PLXNA4: variants seen among roughly 807,000 people sequenced by gnomAD.
PLXNA4 encodes the protein plexin A4.
PLXNA4 carries 44 observed loss-of-function variants against 191.8 expected under a neutral mutation model. That is an observed-to-expected ratio of 0.23 (90% CI 0.18 to 0.29). PLXNA4 has a LOEUF of 0.29. Among genes scored for constraint, PLXNA4 ranks in the 10% least tolerant of loss-of-function variants. The pLI is 1.00. For synonymous variants in PLXNA4, 1,082 were observed against 1,009.5 expected (o/e 1.07, Z -1.36); for missense variants, 1,800 against 2,488.8 (o/e 0.72, Z 5.89).
rs528975513 is a variant in PLXNA4, at chr7:132,442,325, G to A, written c.1371+46967C>T. 3.3e-4 allele frequency among the ~76,000 whole-genome samples: 51 copies of A among 152,240 alleles called. No individual in the cohort carries two copies. The South Asian group carries it at 9.1e-3, about 27-fold the overall frequency. The stretch of plus-strand genomic sequence containing the variant: ...AGCCTGTGGGTTGCATATAAGTTGC[G>A]TATGAAGTTACTGCTTGATGCCAGC... On this transcript the variant is annotated intron_variant, in intron 3 of 31. Transcript: ENST00000321063.
chr7:132,544,267 C>T (rs1205624008), intron 1 of PLXNA4, among the ~76,000 whole-genome samples: 3 of 152,132 alleles, frequency 2.0e-5, no homozygotes, highest in Non-Finnish European at 4.4e-5. Context: ...CAAAACCCTC[C>T]CAGAGGAGAG....
chr7:132,190,760 G>C (rs772562610), intron 14 of PLXNA4, among the ~76,000 whole-genome samples: 15 of 152,172 alleles, frequency 9.9e-5, no homozygotes, highest in Non-Finnish European at 1.3e-4. Context: ...CCTGTCCACT[G>C]TGTGCTCCAG....
chr7:132,188,477 G>A (rs908443978), intron 14 of PLXNA4, among the ~76,000 whole-genome samples: 1 of 152,088 alleles, frequency 6.6e-6, no homozygotes, highest in Non-Finnish European at 1.5e-5. Context: ...CAGTTCCTTG[G>A]AGCAGGCTGA....
intron 3 of PLXNA4, chr7:132,384,947 T>A (rs1805059684): frequency 3.8e-6 from 5 of 1,323,264 alleles, no homozygotes; most frequent in Non-Finnish European, 4.9e-6. Flanking sequence ...ATGCCTACAC[T>A]CCATTGTCCA....
chr7:132,411,395 A>G (rs1247145980), intron 3 of PLXNA4, among the ~76,000 whole-genome samples: 1 of 152,198 alleles, frequency 6.6e-6, no homozygotes, highest in Admixed American at 6.5e-5. Flanking sequence ...TGACAAGACC[A>G]TAGCTGATGA....
intron 2 of PLXNA4, among the ~76,000 whole-genome samples, chr7:132,623,082 C>T (rs1803301428): frequency 6.6e-6 from 1 of 152,166 alleles, no homozygotes; most frequent in African/African-American, 2.4e-5. Flanking sequence ...TGGTGGCTCA[C>T]AGCTGTAATC....
intron 3 of PLXNA4, among the ~76,000 whole-genome samples, chr7:132,420,666 C>A (rs1017321691): frequency 6.6e-6 from 1 of 152,198 alleles, no homozygotes; most frequent in Admixed American, 6.5e-5. Context: ...GCAACCATCA[C>A]CACTGATATG....
In PLXNA4 at chr7:132,415,282, C is replaced by T. The variant is rs576149107; in HGVS notation, c.1371+74010G>A. On this transcript the variant is annotated intron_variant, in intron 3 of 31. Transcript: ENST00000321063. The stretch of plus-strand genomic sequence containing the variant: ...CGCCCAAAGGAGGAGGAGCCACAGC[C>T]AGAAGACACAGATGTCTGAAGAAAT... Among the ~76,000 whole-genome samples the T allele has an allele frequency of 9.2e-5, 14 of 152,330 alleles. No individual in the cohort carries two copies. In the South Asian group the frequency reaches 1.2e-3, roughly 14 times the overall value.
intron 9 of PLXNA4, among the ~76,000 whole-genome samples, chr7:132,217,892 AT>A (rs905137774): frequency 5.0e-5 from 4 of 80,044 alleles, no homozygotes; most frequent in African/African-American, 2.0e-4. Flanking sequence ...CTGTAGCTGG[AT>A]TTGCTTTTTT....
intron 4 of PLXNA4, among the ~76,000 whole-genome samples, chr7:132,260,399 T>C (rs1799595023): frequency 6.6e-6 from 1 of 152,104 alleles, no homozygotes; most frequent in Admixed American, 6.5e-5. Flanking sequence ...AGCAAATTAA[T>C]GCAGGAACAG....
intron 2 of PLXNA4, among the ~76,000 whole-genome samples, chr7:132,504,167 G>C (rs1798365440): frequency 6.6e-6 from 1 of 152,266 alleles, no homozygotes; most frequent in Admixed American, 6.5e-5. Context: ...TTGAGGTACA[G>C]CTGAGCTCTC....
intron 2 of PLXNA4, among the ~76,000 whole-genome samples, chr7:132,604,117 T>C (rs1802876594): frequency 8.1e-6 from 1 of 122,888 alleles, no homozygotes; most frequent in Admixed American, 8.9e-5. Context: ...GGTGCTAAGG[T>C]ACCTGACTCC....
At chr7:132,272,325 C>T (rs1174414869) in intron 4 of PLXNA4, among the ~76,000 whole-genome samples, 1 of 152,170 alleles carries the variant, frequency 6.6e-6, no homozygotes, top group Admixed American at 6.5e-5. Context: ...TTTACAAGTA[C>T]ATTACAAACT....
At chr7:132,362,735 T>C (rs1450361318) in intron 3 of PLXNA4, among the ~76,000 whole-genome samples, 1 of 152,178 alleles carries the variant, frequency 6.6e-6, no homozygotes, top group East Asian at 1.9e-4. Flanking sequence ...AACCATGACT[T>C]TGGGAAAGAC....
chr7:132,317,695 T>C (rs1408459234), intron 3 of PLXNA4, among the ~76,000 whole-genome samples: 2 of 152,220 alleles, frequency 1.3e-5, no homozygotes, highest in Admixed American at 6.5e-5. Flanking sequence ...ACCATTTGCC[T>C]ATCCTTGCAA....
intron 3 of PLXNA4, among the ~76,000 whole-genome samples, chr7:132,488,352 A>G (rs1015552806): frequency 5.9e-5 from 9 of 152,242 alleles, no homozygotes; most frequent in Non-Finnish European, 7.3e-5. Flanking sequence ...GCAGCCAGAA[A>G]TACAGCAAAG....
chr7:132,638,704 G>A (rs1284703594), intron 2 of PLXNA4, among the ~76,000 whole-genome samples: 3 of 151,802 alleles, frequency 2.0e-5, no homozygotes, highest in African/African-American at 7.3e-5. Context: ...CATGGTTTCT[G>A]GTCTATCACA....
chr7:132,514,001 T>C (rs1798840344), intron 1 of PLXNA4, among the ~76,000 whole-genome samples: 1 of 150,678 alleles, frequency 6.6e-6, no homozygotes, highest in Non-Finnish European at 1.5e-5. Flanking sequence ...TGAAATAAAA[T>C]AGAAGGGAAA....
intron 9 of PLXNA4, among the ~76,000 whole-genome samples, chr7:132,218,372 G>A (rs760966297): frequency 1.5e-4 from 23 of 152,178 alleles, no homozygotes; most frequent in Non-Finnish European, 2.6e-4. Context: ...GAGAAGAGGC[G>A]TTCCTGAGAG....
Sources: allele counts gnomAD v4.1 joint callset (sites outside exome capture counted in the v4.1 genomes callset), GRCh38; gene constraint gnomAD v4.1.1; transcripts MANE v1.5; gene names NCBI Gene and HGNC (gene_info 2026-07-23, HGNC 2026-07-21).